MOSMO: variants seen among roughly 807,000 people sequenced by gnomAD.
The protein encoded by MOSMO is modulator of smoothened protein.
MOSMO carries 5 observed loss-of-function variants against 18.4 expected under a neutral mutation model. That is an observed-to-expected ratio of 0.27 (90% CI 0.14 to 0.57). The LOEUF (loss-of-function observed/expected upper bound fraction) is 0.57, where lower values mean the gene tolerates loss of function less well. Among genes scored for constraint, MOSMO ranks in the 20% least tolerant of loss-of-function variants. The pLI is 0.92. For synonymous variants in MOSMO, 82 were observed against 82.3 expected (o/e 1.00, Z 0.02); for missense variants, 138 against 211.8 (o/e 0.65, Z 2.16).
rs999316167 is a variant in MOSMO, at chr16:22,042,018, G to T, written c.107-33469G>T. On this transcript the variant is annotated intron_variant, in intron 1 of 2. Transcript: ENST00000542527. ...TTAAAACAAACGGAAAAAGAAGATG[G>T]TATAAGAGAAATTTTGAGATGTTCG... Among the ~76,000 whole-genome samples, 12 of 152,242 alleles carry T rather than the reference G, an allele frequency of 7.9e-5. 1 individual carries two copies. In the South Asian group the frequency reaches 2.5e-3, roughly 32 times the overall value.
At chr16:22,063,760 C>T (rs567127488) in intron 1 of MOSMO, among the ~76,000 whole-genome samples, 13 of 152,120 alleles carry the variant, frequency 8.5e-5, no homozygotes, top group Admixed American at 2.0e-4. Context: ...TGACATCTCC[C>T]TCTATATATA....
intron 1 of MOSMO, among the ~76,000 whole-genome samples, chr16:22,048,625 C>G (rs964917523): frequency 2.0e-5 from 3 of 152,046 alleles, no homozygotes; most frequent in Non-Finnish European, 2.9e-5. Context: ...ATGTTTGGTA[C>G]CTAGTCATGT....
At chr16:22,058,541 C>A (rs1165861384) in intron 1 of MOSMO, among the ~76,000 whole-genome samples, 1 of 151,744 alleles carries the variant, frequency 6.6e-6, no homozygotes, top group Non-Finnish European at 1.5e-5. Flanking sequence ...GGATGTTGGA[C>A]ATGTAGACAG....
At chr16:22,058,697 C>A (rs550702841) in intron 1 of MOSMO, among the ~76,000 whole-genome samples, 2 of 152,244 alleles carry the variant, frequency 1.3e-5, no homozygotes, top group South Asian at 2.1e-4. Context: ...TTGAGAAGGA[C>A]ACTGGGAGGT....
Position 22,034,249 on chromosome 16 carries a change from CAGTT to C in MOSMO, c.106+25845_106+25848del, listed in dbSNP as rs371409739. ...TTGTTTTGAACAAACTGTTGTCTGT[CAGTT>C]AGGAATAAGAAAAAGATTTTATTTT... is the stretch of plus-strand genomic sequence containing the variant. On this transcript the variant is annotated intron_variant, in intron 1 of 2. Transcript: ENST00000542527. Among the ~76,000 whole-genome samples, 19 of 152,322 alleles carry C rather than the reference CAGTT, an allele frequency of 1.2e-4. No individual in the cohort carries two copies. The East Asian group carries it at 1.7e-3, about 14-fold the overall frequency.
intron 1 of MOSMO, among the ~76,000 whole-genome samples, chr16:22,026,387 T>A (rs1166313393): frequency 6.6e-6 from 1 of 151,874 alleles, no homozygotes; most frequent in Non-Finnish European, 1.5e-5. Context: ...CCCAGCTAAT[T>A]TTTGTATTTT....
intron 1 of MOSMO, among the ~76,000 whole-genome samples, chr16:22,041,622 G>A (rs925168388): frequency 6.6e-6 from 1 of 151,898 alleles, no homozygotes; most frequent in African/African-American, 2.4e-5. Flanking sequence ...CAAAGTAAAG[G>A]GTTAAGCTTC....
intron 1 of MOSMO, among the ~76,000 whole-genome samples, chr16:22,062,184 C>T (rs1900657365): frequency 6.6e-6 from 1 of 151,754 alleles, no homozygotes; most frequent in Admixed American, 6.6e-5. Context: ...GATTTTTCTT[C>T]TAAGTCTAAA....
In MOSMO at chr16:22,008,193, G is replaced by C. The variant is rs1195287409; in HGVS notation, c.-109G>C. Reference sequence around the variant, plus strand: ...AGCGGCGCGCGGGGGCCGAGGGGGCGCGAGGCAGCGGCGCGGGGACTCCGG... The same window carrying C: ...AGCGGCGCGCGGGGGCCGAGGGGGCCCGAGGCAGCGGCGCGGGGACTCCGG... On this transcript the variant is annotated 5_prime_UTR_variant, in exon 1 of 3. Transcript: ENST00000542527. The C allele has an allele frequency of 2.9e-6, 1 of 339,236 alleles. No individual in the cohort carries two copies. Among genetic ancestry groups the C allele is most frequent in the African/African-American group, 2.2e-5 (1 of 45,252 alleles). 21.0% of individuals were successfully genotyped at this position (339,236 alleles called of 1,614,324 possible).
chr16:22,053,302 G>A (rs1900466098), intron 1 of MOSMO, among the ~76,000 whole-genome samples: 1 of 151,564 alleles, frequency 6.6e-6, no homozygotes, highest in Non-Finnish European at 1.5e-5. Flanking sequence ...GATGCATGGG[G>A]GTTCATGATA....
intron 1 of MOSMO, among the ~76,000 whole-genome samples, chr16:22,023,385 A>G (rs1190144091): frequency 1.3e-5 from 2 of 152,184 alleles, no homozygotes; most frequent in African/African-American, 4.8e-5. Flanking sequence ...TAGTTAAGTA[A>G]GATGTTGGCT....
At chr16:22,022,217 G>A (rs1025944139) in intron 1 of MOSMO, among the ~76,000 whole-genome samples, 1 of 149,542 alleles carries the variant, frequency 6.7e-6, no homozygotes, top group African/African-American at 2.5e-5. Context: ...AAGTAGTCTC[G>A]CTATGTTGCC....
intron 1 of MOSMO, among the ~76,000 whole-genome samples, chr16:22,021,697 C>T (rs1018602810): frequency 6.6e-6 from 1 of 151,776 alleles, no homozygotes; most frequent in South Asian, 2.1e-4. Context: ...ACTCAGGAGG[C>T]GTAGGTGGGA....
At chr16:22,041,566 T>G (rs1900210121) in intron 1 of MOSMO, among the ~76,000 whole-genome samples, 1 of 152,128 alleles carries the variant, frequency 6.6e-6, no homozygotes, top group African/African-American at 2.4e-5. Flanking sequence ...AGGGAGTAAT[T>G]GAAGTAAAAA....
intron 1 of MOSMO, among the ~76,000 whole-genome samples, chr16:22,062,891 C>T (rs1900674784): frequency 6.6e-6 from 1 of 152,256 alleles, no homozygotes; most frequent in Middle Eastern, 3.4e-3. Flanking sequence ...CTTTCTCTGT[C>T]GCCCAGGCTG....
At chr16:22,050,179 T>C (rs532994187) in intron 1 of MOSMO, among the ~76,000 whole-genome samples, 44 of 152,350 alleles carry the variant, frequency 2.9e-4, no homozygotes, top group Admixed American at 5.2e-4. Context: ...ACTTGATTAA[T>C]TCCATTGGAC....
intron 1 of MOSMO, among the ~76,000 whole-genome samples, chr16:22,009,375 T>C (rs1899467798): frequency 6.6e-6 from 1 of 152,078 alleles, no homozygotes; most frequent in African/African-American, 2.4e-5. Context: ...GGTGGTGCCC[T>C]CGGGAAAGAG....
intron 1 of MOSMO, among the ~76,000 whole-genome samples, chr16:22,021,302 T>C (rs959502267): frequency 6.6e-6 from 1 of 152,186 alleles, no homozygotes; most frequent in Non-Finnish European, 1.5e-5. Flanking sequence ...AAGTCTTTTA[T>C]GTTGAAATCT....
chr16:22,080,780 A>G lies in MOSMO; in HGVS notation c.404A>G (p.Asn135Ser), dbSNP rs1357450074. ...EVGGQPYKLPNNTVVGSSYVL... is the reference protein window; with the variant it reads ...EVGGQPYKLPSNTVVGSSYVL... Reference sequence around the variant, plus strand: ...GGAGGTCAACCTTATAAATTACCCAACAACACAGTAGTTGGGTCATCATAT... The same window carrying G: ...GGAGGTCAACCTTATAAATTACCCAGCAACACAGTAGTTGGGTCATCATAT... The change falls in exon 3 of 3, where the codon AAC becomes AGC. Residue 135 changes from asparagine to serine, a missense_variant. Transcript: ENST00000542527. The G allele has an allele frequency of 1.3e-6, 2 of 1,499,292 alleles. No individual in the cohort carries two copies. The highest frequency in any genetic ancestry group is 1.8e-6 in the Non-Finnish European group (2 of 1,131,288). 92.9% of individuals were successfully genotyped at this position (1,499,292 alleles called of 1,614,324 possible).
Sources: allele counts gnomAD v4.1 joint callset (sites outside exome capture counted in the v4.1 genomes callset), GRCh38; gene constraint gnomAD v4.1.1; transcripts MANE v1.5; gene names NCBI Gene and HGNC (gene_info 2026-07-23, HGNC 2026-07-21).